The following CLSTN2 variants were observed in gnomAD, a reference collection of about 807,000 sequenced individuals.
The protein encoded by CLSTN2 is calsyntenin 2.
In CLSTN2, 48 loss-of-function variants were observed where a neutral mutation model predicts 101.2. The observed-to-expected ratio is 0.47, with a 90% CI of 0.38 to 0.60. CLSTN2 has a LOEUF of 0.60. CLSTN2 is among the 20% of genes least tolerant of loss of function. CLSTN2 has a pLI of 0.00. For synonymous variants in CLSTN2, 481 were observed against 463.6 expected, an observed-to-expected ratio of 1.04 and a Z score of -0.48; for missense variants, 1,160 against 1,238.2, an observed-to-expected ratio of 0.94 and a Z score of 0.95.
intron 15 of CLSTN2, 117 bp from the exon 16 acceptor site, chr3:140,563,844 A>G (rs1935972066): frequency 3.1e-6 from 3 of 977,700 alleles, no homozygotes; most frequent in Non-Finnish European, 4.8e-6. Context: ...AGAGTTCTAC[A>G]GCTGGGAAGT....
intron 1 of CLSTN2, among the ~76,000 whole-genome samples, chr3:140,145,553 C>A (rs762733523): frequency 1.3e-5 from 2 of 152,232 alleles, no homozygotes; most frequent in African/African-American, 2.4e-5. Context: ...GAAGAAATTT[C>A]TCTTGACCAT....
chr3:140,487,122 A>C (rs1166779848), intron 8 of CLSTN2, among the ~76,000 whole-genome samples: 1 of 152,198 alleles, frequency 6.6e-6, no homozygotes, highest in Non-Finnish European at 1.5e-5. Context: ...TCTCTATTCA[A>C]ACTGTTGATG....
rs768305279 is a variant in CLSTN2, at chr3:140,576,816, G to T, written c.*10563G>T. On this transcript the variant is annotated 3_prime_UTR_variant, in exon 17 of 17. Coordinates refer to ENST00000458420, the MANE Select transcript of CLSTN2 (RefSeq NM_022131.3). Reference sequence around the variant, plus strand: ...TCTGAGCTCTTCAAGCTGCCTCAAAGAATGAATCTTTTTAGTCTAGAAAAT... The same window carrying T: ...TCTGAGCTCTTCAAGCTGCCTCAAATAATGAATCTTTTTAGTCTAGAAAAT... The T allele has an allele frequency of 6.6e-6, 1 of 152,242 alleles. No individual in the cohort carries two copies. The highest frequency in any genetic ancestry group is 1.5e-5 in the Non-Finnish European group (1 of 68,056). 9.4% of individuals were successfully genotyped at this position (152,242 alleles called of 1,614,324 possible).
At chr3:140,119,807 A>G (rs2009308982) in intron 1 of CLSTN2, among the ~76,000 whole-genome samples, 1 of 152,144 alleles carries the variant, frequency 6.6e-6, no homozygotes, top group Admixed American at 6.6e-5. Context: ...GGTCAGCAGT[A>G]GGGCATCTTA....
At chr3:140,519,753 G>A (rs1210307222) in intron 8 of CLSTN2, among the ~76,000 whole-genome samples, 3 of 152,072 alleles carry the variant, frequency 2.0e-5, no homozygotes, top group Admixed American at 2.0e-4. Context: ...ATGGGTCTTG[G>A]CTCTTTATCC....
chr3:140,455,995 C>T (rs781593633), intron 6 of CLSTN2, among the ~76,000 whole-genome samples: 6 of 152,162 alleles, frequency 3.9e-5, no homozygotes, highest in Non-Finnish European at 8.8e-5. Flanking sequence ...CCTCAGTGTG[C>T]CCCTCTGTCA....
At chr3:140,343,182 C>T (rs1352612988) in intron 2 of CLSTN2, among the ~76,000 whole-genome samples, 3 of 152,192 alleles carry the variant, frequency 2.0e-5, no homozygotes, top group South Asian at 2.1e-4. Context: ...AGGCTCACTG[C>T]TCTCCTTTCA....
chr3:140,016,793 GAAAAAA>G (rs56040791), intron 1 of CLSTN2, among the ~76,000 whole-genome samples: 4 of 89,284 alleles, frequency 4.5e-5, no homozygotes, highest in African/African-American at 1.9e-4. Context: ...GTGAGACTCT[GAAAAAA>G]AAAAAAAAAA....
At chr3:140,481,460 G>A (rs955050702) in intron 8 of CLSTN2, among the ~76,000 whole-genome samples, 4 of 152,174 alleles carry the variant, frequency 2.6e-5, no homozygotes, top group Non-Finnish European at 5.9e-5. Context: ...GAACTTTAAA[G>A]TAGTTTTTTT....
intron 5 of CLSTN2, among the ~76,000 whole-genome samples, chr3:140,434,582 A>G (rs2088668622): frequency 6.6e-6 from 1 of 152,190 alleles, no homozygotes; most frequent in South Asian, 2.1e-4. Flanking sequence ...TTCCCCAAGA[A>G]GGTGGCACCT....
chr3:140,325,869 C>T (rs1339577224), intron 2 of CLSTN2, among the ~76,000 whole-genome samples: 1 of 152,160 alleles, frequency 6.6e-6, no homozygotes, highest in Non-Finnish European at 1.5e-5. Flanking sequence ...TTATAAATGA[C>T]CCTGTCTCCT....
chr3:140,471,258 T>TTTAATA (rs1933840999), intron 8 of CLSTN2, among the ~76,000 whole-genome samples: 2 of 152,184 alleles, frequency 1.3e-5, no homozygotes, highest in Admixed American at 1.3e-4. Flanking sequence ...CCCTCCTGGC[T>TTTAATA]TTAATATCAT....
intron 8 of CLSTN2, among the ~76,000 whole-genome samples, chr3:140,524,533 T>C (rs949302487): frequency 6.6e-6 from 1 of 152,176 alleles, no homozygotes. Context: ...AGTCAGATCA[T>C]TGAGGCAGAA....
chr3:140,503,967 T>C lies in CLSTN2; in HGVS notation c.1345-28357T>C, dbSNP rs557432282. On this transcript the variant is annotated intron_variant, in intron 8 of 16. Coordinates refer to ENST00000458420, the MANE Select transcript of CLSTN2 (RefSeq NM_022131.3). ...GAGCCTGCCATCTTCAGCCTCCCCTTTCTCTTCTCAAAACTGCCCTCCCCT... is the reference window on the plus strand; with the variant it reads ...GAGCCTGCCATCTTCAGCCTCCCCTCTCTCTTCTCAAAACTGCCCTCCCCT... 3.3e-5 allele frequency among the ~76,000 whole-genome samples: 5 copies of C among 152,214 alleles called. No individual in the cohort carries two copies. In the South Asian group the frequency reaches 1.0e-3, roughly 32 times the overall value.
intron 1 of CLSTN2, among the ~76,000 whole-genome samples, chr3:139,939,416 C>T (rs1226334140): frequency 2.0e-5 from 3 of 152,122 alleles, no homozygotes; most frequent in African/African-American, 7.2e-5. Context: ...GTCACTATAC[C>T]CAGTGCCCCC....
intron 2 of CLSTN2, among the ~76,000 whole-genome samples, chr3:140,234,926 C>T (rs1279233782): frequency 1.3e-5 from 2 of 152,184 alleles, no homozygotes; most frequent in Admixed American, 1.3e-4. Flanking sequence ...GCAGAAGCCA[C>T]ACAGACACTA....
At chr3:140,526,595 C>CAAAA (rs56965995) in intron 8 of CLSTN2, among the ~76,000 whole-genome samples, 7 of 98,926 alleles carry the variant, frequency 7.1e-5, no homozygotes, top group Non-Finnish European at 1.2e-4. Flanking sequence ...AACAAACAAA[C>CAAAA]AAAAAAAAAA....
At chr3:140,269,710 G>T (rs1304776587) in intron 2 of CLSTN2, among the ~76,000 whole-genome samples, 1 of 152,160 alleles carries the variant, frequency 6.6e-6, no homozygotes, top group Non-Finnish European at 1.5e-5. Context: ...ATAGGAAGTT[G>T]GGACTGTGTG....
Position 140,123,730 on chromosome 3 carries a change from G to T in CLSTN2, c.110-52221G>T, listed in dbSNP as rs76334642. Among the ~76,000 whole-genome samples, 29 of 152,090 alleles carry T rather than the reference G, an allele frequency of 1.9e-4. 2 individuals are homozygous for T. In the East Asian group the frequency reaches 4.1e-3, roughly 21 times the overall value. ...GTAAGGCCTCTCATCCTGGCCTGTG[G>T]ATGTTTGCCTTCTTGCTGTGTCCTC... On this transcript the variant is annotated intron_variant, in intron 1 of 16. Transcript: ENST00000458420.
Sources: gnomAD v4.1 joint callset for allele counts (sites outside exome capture counted in the v4.1 genomes callset) on GRCh38, gnomAD v4.1.1 for gene constraint, MANE v1.5 for transcripts, NCBI Gene and HGNC (gene_info 2026-07-23, HGNC 2026-07-21) for gene names.